SLC6A4: variants seen among roughly 807,000 people sequenced by gnomAD.
SLC6A4 encodes solute carrier family 6 member 4, also known as sodium-dependent serotonin transporter.
SLC6A4 carries 22 observed loss-of-function variants against 73.4 expected under a neutral mutation model. That is an observed-to-expected ratio of 0.30 (90% CI 0.21 to 0.43). The LOEUF (loss-of-function observed/expected upper bound fraction) is 0.43. Among genes scored for constraint, SLC6A4 ranks in the 20% least tolerant of loss-of-function variants. The probability of loss-of-function intolerance (pLI) is 1.00; values close to 1 mark genes in which losing one functional copy is unlikely to be tolerated. For missense variants in SLC6A4, 593 were observed against 808.5 expected, an observed-to-expected ratio of 0.73 and a Z score of 3.23; for synonymous variants, 270 against 315.5, an observed-to-expected ratio of 0.86 and a Z score of 1.53.
chr17:30,198,205 A>T lies in SLC6A4; in HGVS notation c.*251T>A. On this transcript the variant is annotated 3_prime_UTR_variant, in exon 15 of 15. Transcript: ENST00000650711. ...GGTGGTTTTCATCACCTCCATCCAC[A>T]TCCTCACACGTCCAAAATAGGCCAG... The T allele has an allele frequency of 1.0e-5, 4 of 400,182 alleles. No homozygotes were observed. Among genetic ancestry groups the T allele is most frequent in the East Asian group, 3.7e-5 (1 of 26,976 alleles). 24.8% of individuals were successfully genotyped at this position (400,182 alleles called of 1,614,324 possible). A position where few individuals can be genotyped will look rare whatever the true frequency, so the allele number is the denominator to read the frequency against.
intron 1 of SLC6A4, among the ~76,000 whole-genome samples, chr17:30,228,384 C>G (rs961506014): frequency 2.6e-5 from 4 of 152,230 alleles, no homozygotes; most frequent in Non-Finnish European, 1.5e-5. Flanking sequence ...GTCACTATCA[C>G]CACCATACAT....
At chr17:30,207,959 A>C (rs1906259958) in intron 12 of SLC6A4, 127 bp from the exon 13 acceptor site, 3 of 674,768 alleles carry the variant, frequency 4.4e-6, no homozygotes, top group Non-Finnish European at 7.6e-6. Context: ...GGAAATGACA[A>C]GCCGGAATTC....
At chr17:30,227,133 G>C (rs1350075832) in intron 1 of SLC6A4, among the ~76,000 whole-genome samples, 3 of 152,218 alleles carry the variant, frequency 2.0e-5, no homozygotes, top group African/African-American at 7.2e-5. Context: ...CTATTGCACA[G>C]TTTCTCTCAC....
In SLC6A4 at chr17:30,195,193, T is replaced by C. The variant is rs185318905; in HGVS notation, c.*3263A>G. 6 of 152,360 alleles carry C rather than the reference T, an allele frequency of 3.9e-5. No homozygotes were observed. In the East Asian group the frequency reaches 1.2e-3, roughly 29 times the overall value. The allele number at this position is 152,360 out of a possible 1,614,324, so 9.4% of individuals were successfully genotyped here. Reference sequence around the variant, plus strand: ...TATATGAAACAAAAGGACAGACATATTTAAGATTCCATCCTAAAATATTTA... The same window carrying C: ...TATATGAAACAAAAGGACAGACATACTTAAGATTCCATCCTAAAATATTTA... On this transcript the variant is annotated 3_prime_UTR_variant, in exon 15 of 15. Coordinates refer to ENST00000650711, the MANE Select transcript of SLC6A4 (RefSeq NM_001045.6).
rs200740988 is a variant in SLC6A4 at position 30,203,299 on chromosome 17, C to T, written c.1691G>A (p.Arg564Gln). Residue 564 changes from arginine to glutamine, a missense_variant, in exon 14 of 15, where the codon CGA (arginine) becomes CAA (glutamine). By Grantham distance (43) the Arg-to-Gln change is conservative (BLOSUM62 1). Coordinates refer to ENST00000650711, the MANE Select transcript of SLC6A4 (RefSeq NM_001045.6). ...GTAAGGATAATTATATTGGAAAAGT[C>T]GTAGTTGTGGCGGGCTCATCAGAAA... is the stretch of plus-strand genomic sequence containing the variant. ...CSFLMSPPQL[R>Q]LFQYNYPYWS... The T allele has an allele frequency of 4.4e-5, 71 of 1,613,946 alleles. No homozygotes were observed. The highest frequency in any genetic ancestry group is 1.8e-4 in the Admixed American group (11 of 59,996).
chr17:30,227,401 C>G (rs958141003), intron 1 of SLC6A4, among the ~76,000 whole-genome samples: 1 of 151,918 alleles, frequency 6.6e-6, no homozygotes, highest in Non-Finnish European at 1.5e-5. Context: ...ACTATCACAG[C>G]CATCTCCTTA....
chr17:30,212,811 A>C lies in SLC6A4; in HGVS notation c.1133T>G (p.Val378Gly). 7 of 1,614,156 alleles carry C rather than the reference A, an allele frequency of 4.3e-6. No individual in the cohort carries two copies. The highest frequency in any genetic ancestry group is 5.9e-6 in the Non-Finnish European group (7 of 1,180,010). ...CATGTAACCGAGCACTGTGAAGATG[A>C]CAAATCCCGAAACGAAGCTCGTCAT... ...NCMTSFVSGF[V>G]IFTVLGYMAE... The change falls in exon 9 of 15, where the codon GTC becomes GGC. Residue 378 changes from valine (V) to glycine (G), a missense_variant. Coordinates refer to ENST00000650711, the MANE Select transcript of SLC6A4 (RefSeq NM_001045.6).
At chr17:30,214,911 G>C (rs1906510975) in intron 8 of SLC6A4, among the ~76,000 whole-genome samples, 1 of 151,782 alleles carries the variant, frequency 6.6e-6, no homozygotes, top group South Asian at 2.1e-4. Context: ...GAGATTACAG[G>C]TGGGAGCCAC....
At chr17:30,228,670 C>T (rs1486204407) in intron 1 of SLC6A4, among the ~76,000 whole-genome samples, 1 of 152,180 alleles carries the variant, frequency 6.6e-6, no homozygotes, top group African/African-American at 2.4e-5. Flanking sequence ...GTGCCGTGTG[C>T]GTCCCCACCT....
At chr17:30,224,918 T>A (rs1043641579) in intron 1 of SLC6A4, among the ~76,000 whole-genome samples, 2 of 152,150 alleles carry the variant, frequency 1.3e-5, no homozygotes. Context: ...GGTAAGCAGC[T>A]CCTGGAAGAG....
chr17:30,208,462 C>A lies in SLC6A4; in HGVS notation c.1550-630G>T, dbSNP rs541587446. On this transcript the variant is annotated intron_variant, in intron 12 of 14. Transcript: ENST00000650711. ...GTGAGAAATTGAGAAGGGGAAGGTG[C>A]TCTGTGGTTGCTTCCCCGAGAGGTC... Among the ~76,000 whole-genome samples, 9 of 152,138 alleles carry A rather than the reference C, an allele frequency of 5.9e-5. No individual in the cohort carries two copies. The East Asian group carries it at 1.7e-3, about 29-fold the overall frequency.
intron 8 of SLC6A4, 142 bp downstream of exon 8, chr17:30,215,469 C>T: frequency 1.4e-6 from 1 of 695,492 alleles, no homozygotes; most frequent in Non-Finnish European, 2.6e-6. Context: ...TGGTCAGGGG[C>T]CTGCAGCACC....
chr17:30,223,971 C>G (rs954381588), intron 1 of SLC6A4, among the ~76,000 whole-genome samples: 3 of 152,138 alleles, frequency 2.0e-5, no homozygotes, highest in Non-Finnish European at 4.4e-5. Flanking sequence ...TATTTTATTA[C>G]ATGATGAGAT....
At position 30,211,252 on chromosome 17, in the gene SLC6A4, G is replaced by A. The variant is rs1597636991; in HGVS notation, c.1317+60C>T. On this transcript the variant is annotated intron_variant, in intron 10 of 14. Transcript: ENST00000650711. The surrounding 1 kb of genome is among the most constrained non-coding windows in gnomAD (Gnocchi z 4.0). ...GGATGGGAGGGAATTGAGTCCAGCTGAGTCCTCCTCCTTTCCTCTTCATCC... is the reference window on the plus strand; with the variant it reads ...GGATGGGAGGGAATTGAGTCCAGCTAAGTCCTCCTCCTTTCCTCTTCATCC... 1 of 1,134,724 alleles carries A rather than the reference G, an allele frequency of 8.8e-7. No homozygotes were observed. 70.3% of individuals were successfully genotyped at this position (1,134,724 alleles called of 1,614,324 possible). A position where few individuals can be genotyped will look rare whatever the true frequency, so the allele number is the denominator to read the frequency against.
At position 30,213,584 on chromosome 17, in the gene SLC6A4, A is replaced by AGT. The variant is rs369729742; in HGVS notation, c.1077-719_1077-718dup. On this transcript the variant is annotated intron_variant, in intron 8 of 14. Coordinates refer to ENST00000650711, the MANE Select transcript of SLC6A4 (RefSeq NM_001045.6). ...TCATACAACTGCAGGGTGGTGTCCC[A>AGT]GTGCAAGGCCACATTGCTTAGGGTA... Among the ~76,000 whole-genome samples the AGT allele has an allele frequency of 5.0e-3, 763 of 152,152 alleles. 4 individuals carry two copies. Among genetic ancestry groups the AGT allele is most frequent in the African/African-American group, 0.018 (734 of 41,520 alleles).
chr17:30,223,123 T>C (rs1012948757), intron 1 of SLC6A4, among the ~76,000 whole-genome samples: 10 of 152,228 alleles, frequency 6.6e-5, no homozygotes, highest in East Asian at 1.9e-4. Flanking sequence ...TTTAAACCTA[T>C]GGCCTGTTAT....
At chr17:30,226,987 C>T (rs199723293) in intron 1 of SLC6A4, among the ~76,000 whole-genome samples, 40 of 152,304 alleles carry the variant, frequency 2.6e-4, no homozygotes, top group African/African-American at 8.4e-4. Flanking sequence ...AGGAAAAACA[C>T]GATGCTTCTG....
chr17:30,215,710 C>T lies in SLC6A4; in HGVS notation c.977G>A (p.Trp326Ter). Residue 326 changes from tryptophan to a stop codon, truncating the protein, a stop_gained, in exon 8 of 15, where the codon TGG (tryptophan) becomes TAG (stop). Transcript: ENST00000650711. LOFTEE classifies it high-confidence loss of function. ...GAAGATCTGAGCGGCTGCATCTATC[C>T]ACACCTGGAACACAGCAGGGGTAAG... ...NWQKLLETGV[W>*]IDAAAQIFFS... 6.2e-7 allele frequency: 1 copy of T among 1,613,824 alleles called. No homozygotes were observed. Among genetic ancestry groups the T allele is most frequent in the Non-Finnish European group, 8.5e-7 (1 of 1,179,854 alleles).
chr17:30,209,158 C>A lies in SLC6A4; in HGVS notation c.1534G>T (p.Val512Leu). 1 of 1,613,162 alleles carries A rather than the reference C, an allele frequency of 6.2e-7. No individual in the cohort carries two copies. Among genetic ancestry groups the A allele is most frequent in the African/African-American group, 1.3e-5 (1 of 75,016 alleles). Reference protein sequence around the residue: ...LTVALIEAVAVSWFYGITQFC... With the variant: ...LTVALIEAVALSWFYGITQFC... ...AGCGTCTTACCATAGAACCAAGACA[C>A]AGCGACTGCTTCGATCAGCGCGACA... Residue 512 changes from valine to leucine, a missense_variant, in exon 12 of 15, where the codon GTG (valine) becomes TTG (leucine). Val to Leu is a conservative substitution (Grantham distance 32, BLOSUM62 1). Transcript: ENST00000650711.
Sources: allele counts gnomAD v4.1 joint callset (sites outside exome capture counted in the v4.1 genomes callset), GRCh38; gene constraint gnomAD v4.1.1; non-coding constraint Gnocchi (gnomAD v3.1); transcripts MANE v1.5; gene names NCBI Gene and HGNC (gene_info 2026-07-23, HGNC 2026-07-21).